COL19A1: variants seen among roughly 807,000 people sequenced by gnomAD.
The protein encoded by COL19A1 is collagen type XIX alpha 1 chain, also known as collagen alpha-1(XIX) chain.
Under a neutral mutation model 190.2 loss-of-function variants are expected in COL19A1, and 159 were observed. The ratio of observed to expected loss-of-function variants is 0.84; its 90% CI spans 0.73 to 0.95. The LOEUF (loss-of-function observed/expected upper bound fraction) is 0.95, where lower values mean the gene tolerates loss of function less well. COL19A1 is among the 40% of genes least tolerant of loss of function. COL19A1 has a pLI of 0.00. For synonymous variants in COL19A1, 509 were observed against 458.9 expected (o/e 1.11, Z -1.39); for missense variants, 1,418 against 1,431.9 (o/e 0.99, Z 0.16).
At chr6:69,929,349 G>A in intron 5 of COL19A1, 76 bp from the exon 6 acceptor site, 1 of 1,423,424 alleles carries the variant, frequency 7.0e-7, no homozygotes, top group Non-Finnish European at 9.5e-7. Flanking sequence ...TATGCATCTT[G>A]AGCTTTTCTT....
In COL19A1 at chr6:70,002,375, G is replaced by T. The variant is rs866932169; in HGVS notation, c.1027-21252G>T. On this transcript the variant is annotated intron_variant, in intron 11 of 50. Coordinates refer to ENST00000620364, the MANE Select transcript of COL19A1 (RefSeq NM_001858.6). ...CCAGTTTTGGTATCAGGAAGATGCT[G>T]ACTTCATAAAATGAGTTAGAGAGGA... Among the ~76,000 whole-genome samples, 9 of 152,160 alleles carry T rather than the reference G, an allele frequency of 5.9e-5. No individual in the cohort carries two copies. In the South Asian group the frequency reaches 1.9e-3, roughly 32 times the overall value.
chr6:70,032,322 G>T (rs1779119819), intron 12 of COL19A1, among the ~76,000 whole-genome samples: 1 of 152,150 alleles, frequency 6.6e-6, no homozygotes, highest in East Asian at 1.9e-4. Flanking sequence ...AAGACAGGAT[G>T]GGGGCCATGG....
rs746984118 is a variant in COL19A1 at position 70,059,742 on chromosome 6, C to A, written c.1171-8681C>A. 1.8e-4 allele frequency: 92 copies of A among 523,172 alleles called. 1 individual carries two copies. In the Middle Eastern group the frequency reaches 5.5e-3, roughly 31 times the overall value. 32.4% of individuals were successfully genotyped at this position (523,172 alleles called of 1,614,324 possible). A position where few individuals can be genotyped will look rare whatever the true frequency, so the allele number is the denominator to read the frequency against. On this transcript the variant is annotated intron_variant, in intron 14 of 50. Coordinates refer to ENST00000620364, the MANE Select transcript of COL19A1 (RefSeq NM_001858.6). ...AAATGAATACCTATGTAGACCTATG[C>A]AGATGTTTACCTTGTGAAAATGCTA...
At chr6:70,007,974 C>T (rs1582670872) in intron 11 of COL19A1, among the ~76,000 whole-genome samples, 1 of 151,738 alleles carries the variant, frequency 6.6e-6, no homozygotes, top group East Asian at 1.9e-4. Flanking sequence ...TCTCAACACC[C>T]TGTAGGTCAA....
chr6:70,075,775 A>C (rs1781847511), intron 15 of COL19A1, among the ~76,000 whole-genome samples: 1 of 150,990 alleles, frequency 6.6e-6, no homozygotes, highest in Non-Finnish European at 1.5e-5. Flanking sequence ...AAGGCTGTCA[A>C]TGAGAAAAAA....
chr6:69,912,410 T>C (rs1770998682), intron 4 of COL19A1, among the ~76,000 whole-genome samples: 1 of 152,250 alleles, frequency 6.6e-6, no homozygotes, highest in South Asian at 2.1e-4. Context: ...ACTGTTGTTA[T>C]TTCTGGGAGC....
At chr6:70,079,567 A>C (rs2150162069) in intron 15 of COL19A1, among the ~76,000 whole-genome samples, 1 of 152,272 alleles carries the variant, frequency 6.6e-6, no homozygotes, top group Non-Finnish European at 1.5e-5. Context: ...GAAAAGTGGG[A>C]GAATAAGAAG....
chr6:70,068,773 G>A (rs1336202244), intron 15 of COL19A1, among the ~76,000 whole-genome samples: 2 of 152,070 alleles, frequency 1.3e-5, no homozygotes, highest in African/African-American at 4.8e-5. Context: ...AAGTTGATGA[G>A]TATCTTTGTG....
intron 4 of COL19A1, among the ~76,000 whole-genome samples, chr6:69,908,665 A>G (rs887278296): frequency 6.6e-6 from 1 of 152,178 alleles, no homozygotes. Context: ...TTATTAGTTC[A>G]GTATTGTTAT....
At chr6:69,867,586 C>T (rs1393953528) in intron 1 of COL19A1, 2 of 152,374 alleles carry the variant, frequency 1.3e-5, no homozygotes, top group African/African-American at 4.8e-5. Flanking sequence ...TTTGTTGGCC[C>T]GGAACCAAGC....
intron 14 of COL19A1, among the ~76,000 whole-genome samples, chr6:70,049,681 G>A (rs1780094048): frequency 6.6e-6 from 1 of 151,896 alleles, no homozygotes; most frequent in Admixed American, 6.6e-5. Context: ...AAAGTGCTAT[G>A]CATTGACAAT....
chr6:70,151,945 C>A (rs1200658787), intron 31 of COL19A1, among the ~76,000 whole-genome samples: 1 of 151,948 alleles, frequency 6.6e-6, no homozygotes, highest in Non-Finnish European at 1.5e-5. Context: ...TGACAAGTGC[C>A]CTAATACCTG....
At chr6:70,179,912 T>G (rs1022752094) in intron 42 of COL19A1, among the ~76,000 whole-genome samples, 1 of 152,122 alleles carries the variant, frequency 6.6e-6, no homozygotes, top group African/African-American at 2.4e-5. Flanking sequence ...AGATGGAGTC[T>G]CACTCCGTCA....
intron 16 of COL19A1, among the ~76,000 whole-genome samples, chr6:70,118,203 A>G (rs1272779636): frequency 2.0e-5 from 3 of 152,218 alleles, no homozygotes; most frequent in East Asian, 3.8e-4. Flanking sequence ...ATTTCATACC[A>G]GAATAGAAGA....
At chr6:69,936,150 T>C (rs1412865722) in intron 7 of COL19A1, among the ~76,000 whole-genome samples, 1 of 152,110 alleles carries the variant, frequency 6.6e-6, no homozygotes, top group East Asian at 1.9e-4. Context: ...TTAAAAAATG[T>C]TCGTTGCTTT....
At chr6:70,063,888 A>G (rs1467582872) in intron 14 of COL19A1, among the ~76,000 whole-genome samples, 2 of 152,346 alleles carry the variant, frequency 1.3e-5, no homozygotes, top group East Asian at 3.9e-4. Flanking sequence ...AGAAATGGAT[A>G]AACTCCTCGA....
At chr6:69,982,310 C>T (rs1776079588) in intron 11 of COL19A1, among the ~76,000 whole-genome samples, 1 of 151,952 alleles carries the variant, frequency 6.6e-6, no homozygotes, top group Admixed American at 6.6e-5. Flanking sequence ...GGCACAGTCT[C>T]AGCTCACTGC....
rs773223199 is a variant in COL19A1 at position 69,929,585 on chromosome 6, C to A, written c.551C>A (p.Ser184Ter). The A allele has an allele frequency of 3.1e-6, 5 of 1,613,818 alleles. No individual in the cohort carries two copies. The highest frequency in any genetic ancestry group is 4.2e-6 in the Non-Finnish European group (5 of 1,179,952). ...ATTAGTATACAATCCCAGGTCATTTCACTTTATATGGATTGTAATTTAATT... is the reference window on the plus strand; with the variant it reads ...ATTAGTATACAATCCCAGGTCATTTAACTTTATATGGATTGTAATTTAATT... ...LGISIQSQVI[S>*]LYMDCNLIAR... Residue 184 changes from serine to a stop codon, truncating the protein, a stop_gained, in exon 6 of 51, where the codon TCA (serine) becomes TAA (stop). Coordinates refer to ENST00000620364, the MANE Select transcript of COL19A1 (RefSeq NM_001858.6). LOFTEE classifies it high-confidence loss of function.
chr6:70,024,582 CGTGTGTGT>C (rs71536487), intron 12 of COL19A1, among the ~76,000 whole-genome samples: 31 of 143,502 alleles, frequency 2.2e-4, no homozygotes, highest in Middle Eastern at 3.6e-3. Context: ...TGGAGAAAGT[CGTGTGTGT>C]GTGTGTGTGT....
Sources: allele counts gnomAD v4.1 joint callset (sites outside exome capture counted in the v4.1 genomes callset), GRCh38; gene constraint gnomAD v4.1.1; transcripts MANE v1.5; gene names NCBI Gene and HGNC (gene_info 2026-07-23, HGNC 2026-07-21).